The following CDK6 variants were observed in gnomAD, a reference collection of about 807,000 sequenced individuals.
CDK6 encodes the protein cyclin-dependent kinase 6.
CDK6 carries 6 observed loss-of-function variants against 37.1 expected under a neutral mutation model. That is an observed-to-expected ratio of 0.16 (90% CI 0.09 to 0.32). The LOEUF (loss-of-function observed/expected upper bound fraction) is 0.32. Ranked by LOEUF, CDK6 falls within the 10% of genes least tolerant of loss-of-function variation. The probability of loss-of-function intolerance (pLI) is 1.00; values close to 1 mark genes in which losing one functional copy is unlikely to be tolerated. For synonymous variants in CDK6, 160 were observed against 161.3 expected, an observed-to-expected ratio of 0.99 and a Z score of 0.06; for missense variants, 224 against 418.9, an observed-to-expected ratio of 0.53 and a Z score of 4.06.
chr7:92,636,584 G>C (rs1421903882), intron 5 of CDK6, among the ~76,000 whole-genome samples: 1 of 152,098 alleles, frequency 6.6e-6, no homozygotes, highest in African/African-American at 2.4e-5. Flanking sequence ...CATAAGAAAT[G>C]AAACAGCATT....
Position 92,688,908 on chromosome 7 carries a change from C to T in CDK6, c.538-17373G>A, listed in dbSNP as rs185390430. 1.3e-3 allele frequency among the ~76,000 whole-genome samples: 200 copies of T among 152,184 alleles called. 1 individual carries two copies. The highest frequency in any genetic ancestry group is 4.5e-3 in the African/African-American group (185 of 41,514). On this transcript the variant is annotated intron_variant, in intron 4 of 7. Transcript: ENST00000424848. ...ATTTGTTGTGAGTCTTCCCATTCAC[C>T]CACGCACAGAATTTAAAAATGGGGA... is the stretch of plus-strand genomic sequence containing the variant.
At chr7:92,671,016 C>T (rs767895914) in intron 5 of CDK6, among the ~76,000 whole-genome samples, 1 of 152,138 alleles carries the variant, frequency 6.6e-6, no homozygotes, top group African/African-American at 2.4e-5. Flanking sequence ...TTTTTTTCAA[C>T]TATTCTCACT....
chr7:92,686,895 T>G (rs1797468132), intron 4 of CDK6, among the ~76,000 whole-genome samples: 1 of 152,164 alleles, frequency 6.6e-6, no homozygotes, highest in Admixed American at 6.5e-5. Flanking sequence ...TTTTTTCATA[T>G]ATTTGTTGGC....
chr7:92,625,219 A>AACAC (rs71699291), intron 5 of CDK6, among the ~76,000 whole-genome samples: 3,511 of 141,928 alleles, frequency 0.025, 61 homozygotes, highest in South Asian at 0.049. Flanking sequence ...GTGGTAACTA[A>AACAC]ACACACACAC....
intron 4 of CDK6, among the ~76,000 whole-genome samples, chr7:92,722,186 T>C (rs543443793): frequency 6.6e-6 from 1 of 152,254 alleles, no homozygotes; most frequent in Non-Finnish European, 1.5e-5. Context: ...TATATTAACA[T>C]AGATAGTAAA....
chr7:92,623,203 TA>T, intron 5 of CDK6, 117 bp from the exon 6 acceptor site: 30 of 694,106 alleles, frequency 4.3e-5, no homozygotes, highest in South Asian at 7.4e-5. Flanking sequence ...TGGGAAGAAG[TA>T]AAAAAAATTG....
At chr7:92,674,369 G>T (rs940829693) in intron 4 of CDK6, among the ~76,000 whole-genome samples, 5 of 152,112 alleles carry the variant, frequency 3.3e-5, no homozygotes, top group African/African-American at 1.2e-4. Flanking sequence ...TGAGGACATG[G>T]CCCTGCCTTA....
At chr7:92,716,169 C>T (rs187985526) in intron 4 of CDK6, among the ~76,000 whole-genome samples, 1 of 152,258 alleles carries the variant, frequency 6.6e-6, no homozygotes, top group African/African-American at 2.4e-5. Flanking sequence ...GATGCAATGA[C>T]ACAAGCAGCA....
At position 92,617,964 on chromosome 7, in the gene CDK6, G is replaced by A. The variant is rs1303989846; in HGVS notation, c.834+108C>T. The A allele has an allele frequency of 5.6e-6, 6 of 1,070,540 alleles. No individual in the cohort carries two copies. In the Admixed American group the frequency reaches 1.1e-4, roughly 19 times the overall value. 66.3% of individuals were successfully genotyped at this position (1,070,540 alleles called of 1,614,324 possible). A position where few individuals can be genotyped will look rare whatever the true frequency, so the allele number is the denominator to read the frequency against. ...CCTGCTCCATGTGGCTGTGGCATGT[G>A]ATGCCTATAGCAGCTACTGAACTGA... On this transcript the variant is annotated intron_variant, in intron 7 of 7. Transcript: ENST00000424848.
At chr7:92,645,118 G>A (rs1173387989) in intron 5 of CDK6, among the ~76,000 whole-genome samples, 3 of 152,194 alleles carry the variant, frequency 2.0e-5, no homozygotes, top group Admixed American at 1.3e-4. Context: ...ATATAAAAGC[G>A]GGTCTCTTTG....
At chr7:92,686,131 T>C (rs1028376792) in intron 4 of CDK6, among the ~76,000 whole-genome samples, 1 of 152,248 alleles carries the variant, frequency 6.6e-6, no homozygotes, top group African/African-American at 2.4e-5. Flanking sequence ...TTTAACTATC[T>C]TTTAGTAACT....
chr7:92,717,692 C>T (rs1003499660), intron 4 of CDK6, among the ~76,000 whole-genome samples: 6 of 152,072 alleles, frequency 3.9e-5, no homozygotes, highest in South Asian at 2.1e-4. Context: ...AGAACTAATT[C>T]GCAACAGTGA....
intron 3 of CDK6, among the ~76,000 whole-genome samples, chr7:92,764,139 CTTTTT>C (rs397891071): frequency 7.1e-6 from 1 of 140,462 alleles, no homozygotes; most frequent in Non-Finnish European, 1.6e-5. Context: ...GTTTATTTGT[CTTTTT>C]TTTTTTTTTT....
chr7:92,742,983 A>G (rs184719380), intron 3 of CDK6, among the ~76,000 whole-genome samples: 1 of 151,822 alleles, frequency 6.6e-6, no homozygotes, highest in Admixed American at 6.6e-5. Flanking sequence ...TTGTCTCTCT[A>G]TATTTTTTTA....
At chr7:92,741,634 T>C (rs1236893859) in intron 3 of CDK6, among the ~76,000 whole-genome samples, 1 of 152,182 alleles carries the variant, frequency 6.6e-6, no homozygotes. Flanking sequence ...TATACATATA[T>C]ATTAATGTTT....
intron 2 of CDK6, among the ~76,000 whole-genome samples, chr7:92,786,310 G>A (rs1210183915): frequency 1.3e-5 from 2 of 152,162 alleles, no homozygotes; most frequent in African/African-American, 2.4e-5. Context: ...CTTAATAGGT[G>A]AGTAAATTCA....
chr7:92,803,231 GT>G (rs751505309), intron 2 of CDK6, among the ~76,000 whole-genome samples: 23 of 152,258 alleles, frequency 1.5e-4, no homozygotes, highest in Non-Finnish European at 2.5e-4. Flanking sequence ...CCTTCAATAA[GT>G]CACAGGTTTT....
chr7:92,804,362 A>G (rs1167527654), intron 2 of CDK6, among the ~76,000 whole-genome samples: 3 of 152,052 alleles, frequency 2.0e-5, no homozygotes, highest in African/African-American at 7.2e-5. Context: ...ATCAACAACA[A>G]TTTCAACAAC....
intron 4 of CDK6, among the ~76,000 whole-genome samples, chr7:92,701,394 T>TCTAAAGC (rs1329487282): frequency 1.3e-5 from 2 of 152,120 alleles, no homozygotes; most frequent in Non-Finnish European, 2.9e-5. Context: ...GTTTGTGAAG[T>TCTAAAGC]CTAAAGCTTA....
Sources: gnomAD v4.1 joint callset for allele counts (sites outside exome capture counted in the v4.1 genomes callset) on GRCh38, gnomAD v4.1.1 for gene constraint, MANE v1.5 for transcripts, NCBI Gene and HGNC (gene_info 2026-07-23, HGNC 2026-07-21) for gene names.